The following COMT variants were observed in gnomAD, a reference collection of about 807,000 sequenced individuals.
The protein encoded by COMT is catechol O-methyltransferase.
COMT carries 13 observed loss-of-function variants against 18.9 expected under a neutral mutation model. The ratio of observed to expected loss-of-function variants is 0.69; its 90% CI spans 0.45 to 1.09. The LOEUF (loss-of-function observed/expected upper bound fraction) is 1.09. Among genes scored for constraint, COMT ranks in the 50% least tolerant of loss-of-function variants. The pLI, the probability that COMT is intolerant of heterozygous loss-of-function variation, is 0.00. For missense variants in COMT, 329 were observed against 361.8 expected, an observed-to-expected ratio of 0.91 and a Z score of 0.73; for synonymous variants, 150 against 160.9, an observed-to-expected ratio of 0.93 and a Z score of 0.51.
Position 19,964,219 on chromosome 22 carries a change from A to C in COMT, c.535A>C (p.Lys179Gln). The stretch of plus-strand genomic sequence containing the variant: ...GGACATCATCCCCCAGCTGAAGAAG[A>C]AGTATGATGTGGACACACTGGACAT... ...SQDIIPQLKKKYDVDTLDMVF... is the reference protein window; with the variant it reads ...SQDIIPQLKKQYDVDTLDMVF... Residue 179 changes from lysine to glutamine, a missense_variant, in exon 5 of 6, where the codon AAG becomes CAG. Coordinates refer to ENST00000361682, the MANE Select transcript of COMT (RefSeq NM_000754.4). The C allele has an allele frequency of 1.2e-6, 2 of 1,614,100 alleles. No homozygotes were observed. The highest frequency in any genetic ancestry group is 1.7e-6 in the Non-Finnish European group (2 of 1,180,008).
intron 1 of COMT, among the ~76,000 whole-genome samples, chr22:19,942,742 A>T (rs1379059496): frequency 1.3e-5 from 2 of 152,204 alleles, no homozygotes; most frequent in South Asian, 2.1e-4. Flanking sequence ...ACATGAGAAA[A>T]AGCTGGCTCC....
chr22:19,966,968 A>G (rs958035558), intron 5 of COMT: 2 of 985,264 alleles, frequency 2.0e-6, no homozygotes, highest in Admixed American at 6.2e-5. Flanking sequence ...TCAGACGCTG[A>G]TGCATGTTTA....
chr22:19,951,283 C>CG (rs1312733974), intron 1 of COMT, among the ~76,000 whole-genome samples: 3 of 134,300 alleles, frequency 2.2e-5, no homozygotes, highest in East Asian at 2.3e-4. Flanking sequence ...GGCATGAACC[C>CG]GGGGGACGGA....
chr22:19,943,240 G>A (rs1423685071), intron 1 of COMT, among the ~76,000 whole-genome samples: 6 of 152,188 alleles, frequency 3.9e-5, no homozygotes, highest in Admixed American at 1.3e-4. Flanking sequence ...AACAGTCCCC[G>A]TCCATTTTCT....
chr22:19,959,775 C>T (rs1942150890), intron 1 of COMT, among the ~76,000 whole-genome samples: 1 of 138,590 alleles, frequency 7.2e-6, no homozygotes, highest in South Asian at 2.3e-4. Flanking sequence ...GGCCTTTGAG[C>T]CTTTGGCCTT....
chr22:19,964,344 G>T, intron 5 of COMT, 45 bp downstream of exon 5: 1 of 1,613,424 alleles, frequency 6.2e-7, no homozygotes. Flanking sequence ...GCTGCCCAGA[G>T]CCCATTCAGT....
At position 19,968,676 on chromosome 22, in the gene COMT, G is replaced by C. The variant is rs1277428084; in HGVS notation, c.756G>C (p.Glu252Asp). The C allele has an allele frequency of 1.2e-6, 2 of 1,613,844 alleles. No individual in the cohort carries two copies. Among genetic ancestry groups the C allele is most frequent in the African/African-American group, 1.3e-5 (1 of 74,922 alleles). The change falls in exon 6 of 6, where the codon GAG (glutamate) becomes GAC (aspartate). Residue 252 changes from glutamate (E) to aspartate (D), a missense_variant. Glu to Asp is a conservative substitution (Grantham distance 45). Transcript: ENST00000361682. ...THYQSFLEYR[E>D]VVDGLEKAIY... ...ACCAATCGTTCCTGGAATACAGGGA[G>C]GTGGTGGACGGCCTGGAGAAGGCCA...
chr22:19,952,157 T>C (rs1424582480), intron 1 of COMT, among the ~76,000 whole-genome samples: 1 of 152,082 alleles, frequency 6.6e-6, no homozygotes, highest in Non-Finnish European at 1.5e-5. Context: ...TTTAAAAAAT[T>C]AGCCAGGCAC....
intron 1 of COMT, among the ~76,000 whole-genome samples, chr22:19,943,281 G>T (rs890191253): frequency 6.6e-6 from 1 of 152,158 alleles, no homozygotes; most frequent in South Asian, 2.1e-4. Flanking sequence ...ACTACCAGCG[G>T]GACCATCTGT....
chr22:19,958,595 A>AAC (rs1033364034), intron 1 of COMT, among the ~76,000 whole-genome samples: 19 of 129,058 alleles, frequency 1.5e-4, no homozygotes, highest in Non-Finnish European at 2.9e-4. Context: ...AAAAAAAAAA[A>AAC]GCCAGCTGGG....
intron 1 of COMT, among the ~76,000 whole-genome samples, chr22:19,952,365 T>C (rs1601513645): frequency 6.7e-6 from 1 of 149,566 alleles, no homozygotes; most frequent in African/African-American, 2.5e-5. Context: ...GCCAGGCAGG[T>C]GCGGTGGCTC....
At chr22:19,952,659 C>CACCAAAA (rs1941969398) in intron 1 of COMT, among the ~76,000 whole-genome samples, 1 of 136,522 alleles carries the variant, frequency 7.3e-6, no homozygotes, top group Non-Finnish European at 1.6e-5. Flanking sequence ...AAAACAACAA[C>CACCAAAA]AAAAAAAAAA....
intron 1 of COMT, among the ~76,000 whole-genome samples, chr22:19,960,461 T>C (rs1785763948): frequency 6.6e-6 from 1 of 152,224 alleles, no homozygotes; most frequent in South Asian, 2.1e-4. Flanking sequence ...TGGTTCCCCC[T>C]GTCATCTTCC....
chr22:19,964,274 A>C lies in COMT; in HGVS notation c.590A>C (p.Tyr197Ser). 6.2e-7 allele frequency: 1 copy of C among 1,614,008 alleles called. No homozygotes were observed. The highest frequency in any genetic ancestry group is 8.5e-7 in the Non-Finnish European group (1 of 1,180,038). Residue 197 changes from tyrosine to serine, a missense_variant, in exon 5 of 6, where the codon TAC (tyrosine) becomes TCC (serine). Transcript: ENST00000361682. Reference protein sequence around the residue: ...MVFLDHWKDRYLPDTLLLEEC... With the variant: ...MVFLDHWKDRSLPDTLLLEEC... ...TTCCTCGACCACTGGAAGGACCGGT[A>C]CCTGCCGGACACGCTTCTCTTGGAG...
rs1942614148 is a variant in COMT, at chr22:19,969,397, C to T, written c.*661C>T. 2 of 152,882 alleles carry T rather than the reference C, an allele frequency of 1.3e-5. No homozygotes were observed. Among genetic ancestry groups the T allele is most frequent in the Admixed American group, 6.5e-5 (1 of 15,352 alleles). 9.5% of individuals were successfully genotyped at this position (152,882 alleles called of 1,614,324 possible). Reference sequence around the variant, plus strand: ...AGTGGAAGCATCTCCTTCCCTACTCCCCACTGGGCCTTGCTTACAGAAGAG... The same window carrying T: ...AGTGGAAGCATCTCCTTCCCTACTCTCCACTGGGCCTTGCTTACAGAAGAG... On this transcript the variant is annotated 3_prime_UTR_variant, in exon 6 of 6. Coordinates refer to ENST00000361682, the MANE Select transcript of COMT (RefSeq NM_000754.4).
chr22:19,967,712 T>C (rs1942496374), intron 5 of COMT: 1 of 262,792 alleles, frequency 3.8e-6, no homozygotes, highest in Non-Finnish European at 7.5e-6. Flanking sequence ...TGTTAACTTT[T>C]GTTTGGTGAC....
chr22:19,966,939 A>G, intron 5 of COMT: 1 of 985,300 alleles, frequency 1.0e-6, no homozygotes, highest in Non-Finnish European at 1.2e-6. Flanking sequence ...TCTCCACGGC[A>G]TTAGATTTTC....
chr22:19,946,169 C>T (rs1601506633), intron 1 of COMT, among the ~76,000 whole-genome samples: 1 of 152,106 alleles, frequency 6.6e-6, no homozygotes, highest in South Asian at 2.1e-4. Flanking sequence ...TGGCTCAGTG[C>T]AGTCATGTGA....
At chr22:19,959,817 C>T (rs1272342657) in intron 1 of COMT, among the ~76,000 whole-genome samples, 2 of 25,358 alleles carry the variant, frequency 7.9e-5, no homozygotes, top group East Asian at 7.5e-4. Context: ...GGCTCTTGGC[C>T]GTTGGGGCCC....
Sources: gnomAD v4.1 joint callset for allele counts (sites outside exome capture counted in the v4.1 genomes callset) on GRCh38, gnomAD v4.1.1 for gene constraint, MANE v1.5 for transcripts, NCBI Gene and HGNC (gene_info 2026-07-23, HGNC 2026-07-21) for gene names.